Variants in PDE1C observed in about 807,000 individuals in gnomAD.
PDE1C encodes dual specificity calcium/calmodulin-dependent 3',5'-cyclic nucleotide phosphodiesterase 1C.
A neutral mutation model predicts 93.1 loss-of-function variants in PDE1C; 62 were observed. That is an observed-to-expected ratio of 0.67 (90% CI 0.54 to 0.82). The LOEUF (loss-of-function observed/expected upper bound fraction) is 0.82. Among genes scored for constraint, PDE1C ranks in the 40% least tolerant of loss-of-function variants. PDE1C has a pLI of 0.00. For synonymous variants in PDE1C, 325 were observed against 310.1 expected (o/e 1.05, Z -0.50); for missense variants, 742 against 884.6 (o/e 0.84, Z 2.04).
intron 1 of PDE1C, among the ~76,000 whole-genome samples, chr7:32,410,357 G>C (rs1439469774): frequency 6.6e-6 from 1 of 151,746 alleles, no homozygotes; most frequent in South Asian, 2.1e-4. Flanking sequence ...AGGAAAAGGA[G>C]GGTGAGGGCG....
rs202240282 is a variant in PDE1C, at chr7:31,816,096, T to C, written c.1641A>G (p.Gln547=). 4 of 1,613,994 alleles carry C rather than the reference T, an allele frequency of 2.5e-6. No individual in the cohort carries two copies. The highest frequency in any genetic ancestry group is 1.3e-5 in the African/African-American group (1 of 75,030). Residue 547 remains glutamine, a synonymous_variant, in exon 15 of 18, where the codon CAA becomes CAG. Transcript: ENST00000396191. The part of the protein sequence containing the change: ...EKARLAAEEQ[Q]KEMEAKSQAE... ...CCTGGCTTTTGGCTTCCATTTCCTT[T>C]TGCTGCTCCTCTGCGGCCAGGCGAG...
chr7:32,193,766 C>T (rs956084939), intron 2 of PDE1C, among the ~76,000 whole-genome samples: 1 of 152,074 alleles, frequency 6.6e-6, no homozygotes, highest in Non-Finnish European at 1.5e-5. Flanking sequence ...TTGAGTCACA[C>T]CATGTGGACT....
intron 2 of PDE1C, among the ~76,000 whole-genome samples, chr7:32,045,205 C>G (rs900987473): frequency 6.6e-5 from 10 of 151,928 alleles, no homozygotes; most frequent in African/African-American, 2.2e-4. Context: ...CCCCTTCCCC[C>G]ACCCCCAGCC....
At chr7:32,181,777 GA>G (rs1803449589) in intron 2 of PDE1C, among the ~76,000 whole-genome samples, 2 of 152,272 alleles carry the variant, frequency 1.3e-5, no homozygotes, top group East Asian at 1.9e-4. Context: ...AAAGCTAGCA[GA>G]AGGCAAGAAA....
chr7:32,297,926 G>C (rs1275450928), intron 1 of PDE1C, among the ~76,000 whole-genome samples: 1 of 132,890 alleles, frequency 7.5e-6, no homozygotes, highest in Non-Finnish European at 1.6e-5. Context: ...CTTTTCCTTT[G>C]TTTCAACTTT....
intron 2 of PDE1C, among the ~76,000 whole-genome samples, chr7:32,204,417 A>G (rs1417565919): frequency 6.6e-6 from 1 of 152,182 alleles, no homozygotes; most frequent in Non-Finnish European, 1.5e-5. Flanking sequence ...CAGGAAAGCA[A>G]CCAGAACTCC....
intron 3 of PDE1C, among the ~76,000 whole-genome samples, chr7:32,080,359 C>A (rs901083690): frequency 2.0e-5 from 3 of 152,160 alleles, no homozygotes; most frequent in Admixed American, 2.0e-4. Context: ...GCTTCTCAGA[C>A]AAGTACTGTG....
At chr7:31,991,339 T>C (rs774381363) in intron 2 of PDE1C, among the ~76,000 whole-genome samples, 9 of 152,116 alleles carry the variant, frequency 5.9e-5, no homozygotes, top group East Asian at 1.9e-4. Flanking sequence ...GAGGCAAAGA[T>C]TGGAAATGAG....
At chr7:31,681,366 T>C in the PDE1C span, among the ~76,000 whole-genome samples, 8 of 115,720 alleles carry the variant, frequency 6.9e-5, no homozygotes, top group African/African-American at 2.9e-4. Flanking sequence ...GATGGATGGA[T>C]GGACGGATGG....
intron 2 of PDE1C, among the ~76,000 whole-genome samples, chr7:31,931,138 C>A (rs745385204): frequency 2.6e-5 from 4 of 152,110 alleles, no homozygotes; most frequent in Non-Finnish European, 4.4e-5. Context: ...ATCATACTGA[C>A]TGGGTAAAAG....
intron 16 of PDE1C, among the ~76,000 whole-genome samples, chr7:31,803,726 C>T (rs922309317): frequency 6.6e-5 from 10 of 151,918 alleles, no homozygotes; most frequent in African/African-American, 1.2e-4. Flanking sequence ...AGGACATGAA[C>T]GCATCATTTT....
At chr7:32,276,906 T>C (rs1483778632) in intron 1 of PDE1C, among the ~76,000 whole-genome samples, 1 of 152,148 alleles carries the variant, frequency 6.6e-6, no homozygotes, top group Non-Finnish European at 1.5e-5. Context: ...TACTACTCTG[T>C]TCTTAGACTC....
chr7:31,682,966 AGGGACCACTGT>A, the PDE1C span, among the ~76,000 whole-genome samples: 9 of 152,204 alleles, frequency 5.9e-5, no homozygotes, highest in Admixed American at 4.6e-4. Flanking sequence ...AGTGGTTGTC[AGGGACCACTGT>A]GGAGTCTGGG....
rs113775024 is a variant in PDE1C at position 31,888,342 on chromosome 7, C to T, written c.129-7482G>A. On this transcript the variant is annotated intron_variant, in intron 2 of 17. Coordinates refer to ENST00000396191, the MANE Select transcript of PDE1C (RefSeq NM_001191057.4). ...AAGAAGTTAGAAGAACAAGTTACTCCAAAGACAGTAGGCAATAGCAAAAAA... is the reference window on the plus strand; with the variant it reads ...AAGAAGTTAGAAGAACAAGTTACTCTAAAGACAGTAGGCAATAGCAAAAAA... Among the ~76,000 whole-genome samples the T allele has an allele frequency of 2.5e-3, 384 of 150,886 alleles. 2 individuals are homozygous for T. The highest frequency in any genetic ancestry group is 8.9e-3 in the African/African-American group (366 of 41,084).
At chr7:31,724,020 G>A in the PDE1C span, among the ~76,000 whole-genome samples, 56 of 152,202 alleles carry the variant, frequency 3.7e-4, no homozygotes, top group African/African-American at 1.3e-3. Flanking sequence ...AAAACCCCAC[G>A]CTAGCTTGCG....
chr7:32,301,669 C>T (rs1812884100), upstream of PDE1C, among the ~76,000 whole-genome samples: 1 of 152,162 alleles, frequency 6.6e-6, no homozygotes, highest in African/African-American at 2.4e-5. Context: ...GCTAACATTA[C>T]ATAAGTCAAG....
rs1178991022 is a variant in PDE1C at position 32,311,748 on chromosome 7, C to T, written c.311-102209G>A. On this transcript the variant is annotated intron_variant, in intron 1 of 1. Transcript: ENST00000672256. ...CTCAATAAATTAGGTATTGATGGGA[C>T]GTATCTCAAAATAATAAGAGCTATC... Among the ~76,000 whole-genome samples, 9 of 152,128 alleles carry T rather than the reference C, an allele frequency of 5.9e-5. 1 individual carries two copies. The highest frequency in any genetic ancestry group is 2.1e-4 in the South Asian group (1 of 4,816).
chr7:31,696,755 T>C, the PDE1C span, among the ~76,000 whole-genome samples: 1 of 152,186 alleles, frequency 6.6e-6, no homozygotes, highest in Non-Finnish European at 1.5e-5. Flanking sequence ...TAAAATAAAA[T>C]CAAGCATGCA....
At chr7:32,312,357 T>TC (rs1400060358) in intron 1 of PDE1C, among the ~76,000 whole-genome samples, 1 of 151,614 alleles carries the variant, frequency 6.6e-6, no homozygotes, top group African/African-American at 2.4e-5. Context: ...TTCAATGCCA[T>TC]CCCCATCAAG....
Sources: gnomAD v4.1 joint callset for allele counts (sites outside exome capture counted in the v4.1 genomes callset) on GRCh38, gnomAD v4.1.1 for gene constraint, MANE v1.5 for transcripts, NCBI Gene and HGNC (gene_info 2026-07-23, HGNC 2026-07-21) for gene names.